The following CNTN4 variants were observed in gnomAD, a reference collection of about 807,000 sequenced individuals.
The protein encoded by CNTN4 is contactin-4.
CNTN4 carries 77 observed loss-of-function variants against 122.5 expected under a neutral mutation model. That is an observed-to-expected ratio of 0.63 (90% CI 0.52 to 0.76). The LOEUF (loss-of-function observed/expected upper bound fraction) is 0.76. Ranked by LOEUF, CNTN4 falls within the 30% of genes least tolerant of loss-of-function variation. CNTN4 has a pLI of 0.00. For synonymous variants in CNTN4, 512 were observed against 447.0 expected, an observed-to-expected ratio of 1.15 and a Z score of -1.83; for missense variants, 1,256 against 1,259.1, an observed-to-expected ratio of 1.00 and a Z score of 0.04.
At chr3:2,640,518 C>T (rs1284775694) in intron 4 of CNTN4, among the ~76,000 whole-genome samples, 2 of 152,082 alleles carry the variant, frequency 1.3e-5, no homozygotes, top group African/African-American at 4.8e-5. Flanking sequence ...TCAGTGGTTA[C>T]CTGATGCAGT....
intron 2 of CNTN4, among the ~76,000 whole-genome samples, chr3:2,131,647 G>A (rs1052647389): frequency 6.6e-6 from 1 of 152,176 alleles, no homozygotes; most frequent in Non-Finnish European, 1.5e-5. Context: ...GCACACTCAT[G>A]TAAAATGTCC....
intron 2 of CNTN4, among the ~76,000 whole-genome samples, chr3:2,298,937 G>A (rs966366395): frequency 3.3e-5 from 5 of 152,162 alleles, no homozygotes; most frequent in Admixed American, 2.0e-4. Context: ...AGACATTAAA[G>A]CATCTTGTTC....
chr3:3,017,092 C>T (rs1457802899), intron 14 of CNTN4, among the ~76,000 whole-genome samples: 1 of 152,148 alleles, frequency 6.6e-6, no homozygotes, highest in Non-Finnish European at 1.5e-5. Context: ...TCTTCTGCCA[C>T]CTAAAAGGGC....
chr3:2,896,003 G>A (rs1327046056), intron 10 of CNTN4, among the ~76,000 whole-genome samples: 8 of 152,186 alleles, frequency 5.3e-5, no homozygotes, highest in Admixed American at 3.3e-4. Context: ...ACCGCACTCT[G>A]GTCTGGGCGA....
chr3:2,611,037 C>A (rs921348444), intron 4 of CNTN4, among the ~76,000 whole-genome samples: 5 of 151,848 alleles, frequency 3.3e-5, no homozygotes, highest in South Asian at 2.1e-4. Context: ...TTATAACATG[C>A]TTTATATGTA....
At chr3:3,009,000 C>G (rs1424211146) in intron 14 of CNTN4, 3 of 985,250 alleles carry the variant, frequency 3.0e-6, no homozygotes, top group East Asian at 2.3e-4. Flanking sequence ...CAGCGTCTTT[C>G]TTGGTATGAT....
At chr3:2,169,456 G>C (rs1282639333) in intron 2 of CNTN4, among the ~76,000 whole-genome samples, 4 of 152,088 alleles carry the variant, frequency 2.6e-5, no homozygotes, top group Non-Finnish European at 4.4e-5. Context: ...ACTCAGGCTG[G>C]AGTGCGGTGG....
intron 4 of CNTN4, among the ~76,000 whole-genome samples, chr3:2,599,503 A>G (rs111932053): frequency 2.6e-5 from 4 of 152,278 alleles, no homozygotes; most frequent in Non-Finnish European, 4.4e-5. Context: ...CTTTTGAACT[A>G]TAAAGGTGAT....
chr3:2,917,457 T>G (rs2094381161), intron 12 of CNTN4, among the ~76,000 whole-genome samples: 2 of 151,474 alleles, frequency 1.3e-5, no homozygotes, highest in African/African-American at 4.9e-5. Context: ...GGAATTTTGT[T>G]AAGTTTAGAT....
At chr3:2,402,134 A>G (rs1176239407) in intron 3 of CNTN4, among the ~76,000 whole-genome samples, 3 of 152,124 alleles carry the variant, frequency 2.0e-5, no homozygotes, top group Non-Finnish European at 4.4e-5. Context: ...CTGCCTCACT[A>G]GGACAGCTAT....
intron 4 of CNTN4, among the ~76,000 whole-genome samples, chr3:2,635,428 T>C (rs1039515788): frequency 1.3e-5 from 2 of 152,176 alleles, no homozygotes. Flanking sequence ...AAGTGAAAAA[T>C]CTGTGAGTAA....
chr3:2,326,767 C>T (rs913429539), intron 2 of CNTN4, among the ~76,000 whole-genome samples: 1 of 152,072 alleles, frequency 6.6e-6, no homozygotes, highest in Non-Finnish European at 1.5e-5. Flanking sequence ...AGCCCCTGGG[C>T]AATGAAGGTA....
intron 3 of CNTN4, among the ~76,000 whole-genome samples, chr3:2,387,959 C>G (rs2046308414): frequency 6.6e-6 from 1 of 152,146 alleles, no homozygotes; most frequent in African/African-American, 2.4e-5. Context: ...CTTGGAAAAG[C>G]CTGTGTAAAA....
At chr3:2,962,248 C>A (rs2094868355) in intron 13 of CNTN4, among the ~76,000 whole-genome samples, 2 of 152,082 alleles carry the variant, frequency 1.3e-5, no homozygotes, top group Admixed American at 1.3e-4. Flanking sequence ...AATGTTTATC[C>A]CTAGATAGAG....
intron 4 of CNTN4, among the ~76,000 whole-genome samples, chr3:2,612,580 T>A (rs2081546155): frequency 6.6e-6 from 1 of 152,142 alleles, no homozygotes; most frequent in Admixed American, 6.6e-5. Flanking sequence ...GCCATTATTA[T>A]CCCTATGAGA....
chr3:2,574,212 A>G (rs1164099401), intron 4 of CNTN4, among the ~76,000 whole-genome samples: 2 of 151,702 alleles, frequency 1.3e-5, no homozygotes. Flanking sequence ...GTGAAACTCC[A>G]TCTCACCAAA....
At chr3:2,913,429 T>G (rs982100574) in intron 12 of CNTN4, among the ~76,000 whole-genome samples, 1 of 152,182 alleles carries the variant, frequency 6.6e-6, no homozygotes, top group African/African-American at 2.4e-5. Context: ...ACACTTTAGA[T>G]CTAGGGTTAC....
chr3:2,423,629 G>A (rs553998836), intron 3 of CNTN4, among the ~76,000 whole-genome samples: 2 of 152,022 alleles, frequency 1.3e-5, no homozygotes, highest in Non-Finnish European at 2.9e-5. Flanking sequence ...CTAATATTAA[G>A]TCCAGTATTT....
chr3:2,557,713 T>A (rs935563008), intron 3 of CNTN4, among the ~76,000 whole-genome samples: 1 of 146,858 alleles, frequency 6.8e-6, no homozygotes, highest in Admixed American at 6.9e-5. Flanking sequence ...TGGGCAACAC[T>A]GCACTCCAGC....
Sources: gnomAD v4.1 joint callset for allele counts (sites outside exome capture counted in the v4.1 genomes callset) on GRCh38, gnomAD v4.1.1 for gene constraint, MANE v1.5 for transcripts, NCBI Gene and HGNC (gene_info 2026-07-23, HGNC 2026-07-21) for gene names.